The following KDM4C variants were observed in gnomAD, a reference collection of about 807,000 sequenced individuals.
The protein encoded by KDM4C is lysine-specific demethylase 4C.
KDM4C carries 81 observed loss-of-function variants against 129.3 expected under a neutral mutation model. The observed-to-expected ratio is 0.63, with a 90% CI of 0.52 to 0.75. The LOEUF (loss-of-function observed/expected upper bound fraction) is 0.75, where lower values mean the gene tolerates loss of function less well. Ranked by LOEUF, KDM4C falls within the 30% of genes least tolerant of loss-of-function variation. The pLI, the probability that KDM4C is intolerant of heterozygous loss-of-function variation, is 0.00. For synonymous variants in KDM4C, 573 were observed against 456.1 expected, an observed-to-expected ratio of 1.26 and a Z score of -3.26; for missense variants, 1,457 against 1,304.0, an observed-to-expected ratio of 1.12 and a Z score of -1.81.
chr9:7,008,731 C>T (rs757821397), intron 12 of KDM4C, among the ~76,000 whole-genome samples: 1 of 152,200 alleles, frequency 6.6e-6, no homozygotes, highest in African/African-American at 2.4e-5. Context: ...TCAGTTCTTA[C>T]ATGGTGGACT....
Position 6,796,657 on chromosome 9 carries a change from C to G in KDM4C, c.144+3525C>G, listed in dbSNP as rs73639362. Among the ~76,000 whole-genome samples the G allele has an allele frequency of 7.7e-3, 1,168 of 152,300 alleles. 14 individuals are homozygous for G. Among genetic ancestry groups the G allele is most frequent in the African/African-American group, 0.027 (1,106 of 41,556 alleles). Reference sequence around the variant, plus strand: ...TGAGAACTATGATTACAAAACACACCTGAGTCCAGACCGTGCCTCATTTTT... The same window carrying G: ...TGAGAACTATGATTACAAAACACACGTGAGTCCAGACCGTGCCTCATTTTT... On this transcript the variant is annotated intron_variant, in intron 2 of 21. Transcript: ENST00000381309.
chr9:6,767,571 A>G (rs954174216), intron 1 of KDM4C, among the ~76,000 whole-genome samples: 1 of 152,088 alleles, frequency 6.6e-6, no homozygotes, highest in Non-Finnish European at 1.5e-5. Context: ...AGTAGCTGGG[A>G]CTACAGGCAC....
At chr9:7,059,833 A>G (rs1831367637) in intron 17 of KDM4C, among the ~76,000 whole-genome samples, 2 of 152,176 alleles carry the variant, frequency 1.3e-5, no homozygotes, top group Non-Finnish European at 1.5e-5. Flanking sequence ...ATATTTTACT[A>G]TGTAATGGGT....
At chr9:7,016,541 T>A (rs1823730046) in intron 15 of KDM4C, among the ~76,000 whole-genome samples, 1 of 150,678 alleles carries the variant, frequency 6.6e-6, no homozygotes, top group African/African-American at 2.4e-5. Flanking sequence ...TTCTCCAGTC[T>A]CAGCCTCCTG....
At chr9:6,966,117 C>G (rs546236429) in intron 8 of KDM4C, among the ~76,000 whole-genome samples, 2 of 152,054 alleles carry the variant, frequency 1.3e-5, no homozygotes, top group Admixed American at 6.6e-5. Flanking sequence ...AAGCAAATAC[C>G]ATACTAAATG....
At chr9:7,158,025 A>G (rs1028170249) in intron 19 of KDM4C, among the ~76,000 whole-genome samples, 6 of 152,154 alleles carry the variant, frequency 3.9e-5, no homozygotes, top group South Asian at 4.1e-4. Flanking sequence ...TATTGCCCCA[A>G]TTTCAGAGCC....
chr9:6,789,140 C>G (rs1304663749), intron 1 of KDM4C, among the ~76,000 whole-genome samples: 1 of 151,660 alleles, frequency 6.6e-6, no homozygotes, highest in Non-Finnish European at 1.5e-5. Flanking sequence ...CCCTCTGCCC[C>G]CCGGGGTGGT....
intron 4 of KDM4C, among the ~76,000 whole-genome samples, chr9:6,828,146 A>G (rs577208430): frequency 6.6e-6 from 1 of 152,090 alleles, no homozygotes; most frequent in South Asian, 2.1e-4. Flanking sequence ...TGTCTCTGGA[A>G]TAAGTTTCTT....
At chr9:6,811,630 T>C (rs1310916005) in intron 3 of KDM4C, among the ~76,000 whole-genome samples, 1 of 152,224 alleles carries the variant, frequency 6.6e-6, no homozygotes, top group Non-Finnish European at 1.5e-5. Context: ...TGATGTGTAC[T>C]TTCCTCTAGG....
chr9:6,745,026 A>C (rs368404818), intron 1 of KDM4C, among the ~76,000 whole-genome samples: 1 of 151,470 alleles, frequency 6.6e-6, no homozygotes, highest in Non-Finnish European at 1.5e-5. Flanking sequence ...CTGCCCTTTC[A>C]CCTTTGACCC....
At chr9:6,853,474 C>A (rs538830375) in intron 5 of KDM4C, among the ~76,000 whole-genome samples, 1 of 151,910 alleles carries the variant, frequency 6.6e-6, no homozygotes, top group African/African-American at 2.4e-5. Context: ...GCCTGGACAA[C>A]GGAGGGAGAC....
intron 17 of KDM4C, among the ~76,000 whole-genome samples, chr9:7,101,905 A>T (rs1305484875): frequency 1.3e-5 from 2 of 152,210 alleles, no homozygotes; most frequent in Non-Finnish European, 2.9e-5. Flanking sequence ...GGCTCCTGAT[A>T]GGAGTTTTTG....
chr9:7,134,314 C>A (rs571272212), intron 19 of KDM4C, among the ~76,000 whole-genome samples: 1 of 152,252 alleles, frequency 6.6e-6, no homozygotes, highest in East Asian at 1.9e-4. Flanking sequence ...AAAAGAGTGT[C>A]TAAATTTACT....
At chr9:7,006,185 A>T (rs1012562058) in intron 12 of KDM4C, among the ~76,000 whole-genome samples, 1 of 152,226 alleles carries the variant, frequency 6.6e-6, no homozygotes, top group African/African-American at 2.4e-5. Context: ...ATAAGTAGAA[A>T]ACTTTTGGAG....
chr9:6,907,443 T>G (rs1818513535), intron 8 of KDM4C, among the ~76,000 whole-genome samples: 1 of 152,206 alleles, frequency 6.6e-6, no homozygotes, highest in Non-Finnish European at 1.5e-5. Context: ...TGTTAAAGTT[T>G]TCAGTAGTAT....
intron 7 of KDM4C, among the ~76,000 whole-genome samples, chr9:6,890,223 C>A (rs1182055021): frequency 2.0e-5 from 3 of 152,208 alleles, no homozygotes; most frequent in African/African-American, 2.4e-5. Flanking sequence ...CTCCTGAGTT[C>A]ATTCCTGATT....
intron 5 of KDM4C, 37 bp from the exon 6 acceptor site, chr9:6,879,975 A>T (rs776935727): frequency 2.4e-6 from 3 of 1,236,472 alleles, no homozygotes; most frequent in Admixed American, 2.2e-5. Context: ...CTGAAAAATT[A>T]TAAACCTAAA....
chr9:6,807,796 G>GGT lies in KDM4C; in HGVS notation c.320+2023_320+2024insTG, dbSNP rs1195337289. On this transcript the variant is annotated intron_variant, in intron 3 of 21. Transcript: ENST00000381309. ...ACCCCGTCTGGGAGGGAGGTGGGGG[G>GGT]GGGGTCAGCCCCCCGCCCGGCCAGC... Among the ~76,000 whole-genome samples the GGT allele has an allele frequency of 5.4e-5, 8 of 149,252 alleles. No individual in the cohort carries two copies. The South Asian group carries it at 1.5e-3, about 28-fold the overall frequency.
intron 19 of KDM4C, among the ~76,000 whole-genome samples, chr9:7,152,317 G>T (rs1444982403): frequency 6.6e-6 from 1 of 152,368 alleles, no homozygotes; most frequent in South Asian, 2.1e-4. Context: ...TAAATTAGTT[G>T]TGGTTCATCT....
Sources: allele counts gnomAD v4.1 joint callset (sites outside exome capture counted in the v4.1 genomes callset), GRCh38; gene constraint gnomAD v4.1.1; transcripts MANE v1.5; gene names NCBI Gene and HGNC (gene_info 2026-07-23, HGNC 2026-07-21).